Variants in NVL observed in about 807,000 individuals in gnomAD.
The protein encoded by NVL is nuclear VCP like.
Under a neutral mutation model 110.2 loss-of-function variants are expected in NVL, and 84 were observed. That is an observed-to-expected ratio of 0.76 (90% confidence interval 0.64 to 0.91). The LOEUF is 0.91. NVL is among the 40% of genes least tolerant of loss of function. NVL has a pLI of 0.00. For synonymous variants in NVL, 354 were observed against 361.1 expected (o/e 0.98, Z 0.22); for missense variants, 882 against 1,035.9 (o/e 0.85, Z 2.04).
intron 17 of NVL, among the ~76,000 whole-genome samples, chr1:224,269,488 C>T (rs1348361610): frequency 2.0e-5 from 3 of 152,154 alleles, no homozygotes; most frequent in African/African-American, 7.2e-5. Context: ...GTATCTGGGA[C>T]ACTGAGGTAT....
chr1:224,232,710 T>C (rs1660038580), intron 21 of NVL, among the ~76,000 whole-genome samples: 1 of 152,134 alleles, frequency 6.6e-6, no homozygotes, highest in Middle Eastern at 3.2e-3. Context: ...AAAGACACTG[T>C]CAAATGTGAA....
Position 224,308,140 on chromosome 1 carries a change from T to G in NVL, c.466A>C (p.Lys156Gln), listed in dbSNP as rs757085359. ...GTCTTCAAGGGAATGGAGCCTGTTT[T>G]GGAACTTATCCGTGGTGTTGAAGAG... ...TTSSTPRISSKTGSIPLKTPA... is the reference protein window; with the variant it reads ...TTSSTPRISSQTGSIPLKTPA... Residue 156 changes from lysine (K) to glutamine (Q), a missense_variant, in exon 6 of 23, where the codon AAA becomes CAA. By Grantham distance (53) the Lys-to-Gln change is moderately conservative. Transcript: ENST00000281701. 1.2e-6 allele frequency: 2 copies of G among 1,614,044 alleles called. No individual in the cohort carries two copies. The highest frequency in any genetic ancestry group is 2.7e-5 in the African/African-American group (2 of 74,930).
chr1:224,310,195 A>AC (rs1389943890), intron 5 of NVL, among the ~76,000 whole-genome samples: 1 of 149,980 alleles, frequency 6.7e-6, no homozygotes, highest in East Asian at 1.9e-4. Context: ...AAAAAAAAAA[A>AC]AAGAAAGAAA....
At chr1:224,293,495 G>A (rs1667577442) in intron 12 of NVL, among the ~76,000 whole-genome samples, 1 of 152,176 alleles carries the variant, frequency 6.6e-6, no homozygotes, top group Non-Finnish European at 1.5e-5. Context: ...TTACTCATTT[G>A]CTCAATTACC....
intron 19 of NVL, among the ~76,000 whole-genome samples, chr1:224,242,620 A>G (rs755599579): frequency 1.2e-4 from 17 of 145,458 alleles, no homozygotes; most frequent in Non-Finnish European, 1.8e-4. Flanking sequence ...GGTGCACGCC[A>G]CCATGCCTGG....
intron 19 of NVL, among the ~76,000 whole-genome samples, chr1:224,244,681 AG>A (rs1193253550): frequency 7.3e-6 from 1 of 136,084 alleles, no homozygotes; most frequent in African/African-American, 2.8e-5. Context: ...CATGTTGGTC[AG>A]GCTGGTCTCC....
chr1:224,242,826 G>GT (rs35271187), intron 19 of NVL, among the ~76,000 whole-genome samples: 18,362 of 124,558 alleles, frequency 0.15, 1,632 homozygotes, highest in Middle Eastern at 0.24. Context: ...ATTAATGCTT[G>GT]TTTTTTTTTT....
In NVL at chr1:224,281,114, A is replaced by G. The variant is rs7531588; in HGVS notation, c.1962+9T>C. The G allele has an allele frequency of 0.014, 23,156 of 1,611,690 alleles. 2,061 individuals are homozygous for G. In the African/African-American group the frequency reaches 0.22, roughly 16 times the overall value. ...AATCTAAAATAATGGTTCTTGCTCAATAACTTACCATGTTTAGTAATTCGG... is the reference window on the plus strand; with the variant it reads ...AATCTAAAATAATGGTTCTTGCTCAGTAACTTACCATGTTTAGTAATTCGG... On this transcript the variant is annotated intron_variant, in intron 16 of 22. Coordinates refer to ENST00000281701, the MANE Select transcript of NVL (RefSeq NM_002533.4).
At chr1:224,328,133 A>T (rs954637178) in intron 1 of NVL, among the ~76,000 whole-genome samples, 8 of 152,106 alleles carry the variant, frequency 5.3e-5, no homozygotes, top group African/African-American at 1.9e-4. Flanking sequence ...CGGGTTTGTT[A>T]CATAGGTATA....
At chr1:224,306,109 C>T (rs1668887791) in intron 6 of NVL, among the ~76,000 whole-genome samples, 1 of 152,114 alleles carries the variant, frequency 6.6e-6, no homozygotes, top group Non-Finnish European at 1.5e-5. Context: ...AAGTGTAATT[C>T]AGCCAAGCAC....
At chr1:224,303,295 C>T (rs981711933) in intron 9 of NVL, among the ~76,000 whole-genome samples, 4 of 151,868 alleles carry the variant, frequency 2.6e-5, no homozygotes, top group East Asian at 1.9e-4. Context: ...ATCAGCCGGG[C>T]GTGGTGGCGT....
intron 22 of NVL, among the ~76,000 whole-genome samples, chr1:224,228,369 A>G (rs553319407): frequency 2.1e-3 from 324 of 152,096 alleles, no homozygotes; most frequent in African/African-American, 7.5e-3. Flanking sequence ...CAGCGGTGCA[A>G]TCTCGGCTCA....
chr1:224,278,833 C>T (rs538217170), intron 16 of NVL, among the ~76,000 whole-genome samples: 1 of 152,036 alleles, frequency 6.6e-6, no homozygotes, highest in South Asian at 2.1e-4. Context: ...CTCAGGCTCA[C>T]GTGATCCTCC....
intron 18 of NVL, among the ~76,000 whole-genome samples, chr1:224,252,571 T>A (rs1044207279): frequency 2.6e-5 from 4 of 152,236 alleles, no homozygotes; most frequent in Non-Finnish European, 5.9e-5. Flanking sequence ...ACCTGTTAGA[T>A]GTTGTTCTTT....
chr1:224,302,977 A>G, intron 9 of NVL: 1 of 279,804 alleles, frequency 3.6e-6, no homozygotes, highest in Non-Finnish European at 7.2e-6. Flanking sequence ...TGAGCCTGGG[A>G]AGTTGAGGCT....
chr1:224,242,487 C>CTTTT (rs11385074), intron 19 of NVL, among the ~76,000 whole-genome samples: 11 of 128,318 alleles, frequency 8.6e-5, no homozygotes, highest in South Asian at 2.3e-4. Flanking sequence ...CAAATCTATT[C>CTTTT]TTTTTTTTTT....
intron 19 of NVL, among the ~76,000 whole-genome samples, chr1:224,248,830 C>T (rs531359896): frequency 3.7e-4 from 57 of 152,336 alleles, no homozygotes; most frequent in African/African-American, 1.4e-3. Context: ...TAGACACACA[C>T]AATCAAGGGA....
At chr1:224,296,431 T>C (rs1667890806) in intron 11 of NVL, 70 bp downstream of exon 11, 1 of 779,916 alleles carries the variant, frequency 1.3e-6, no homozygotes. Context: ...TTATTTTTTA[T>C]CTTCATGTAT....
At chr1:224,253,109 G>A (rs1387100387) in intron 18 of NVL, among the ~76,000 whole-genome samples, 1 of 151,674 alleles carries the variant, frequency 6.6e-6, no homozygotes, top group African/African-American at 2.4e-5. Context: ...GCAGTGGGGC[G>A]ATCTCGGCTC....
Sources: gnomAD v4.1 joint callset for allele counts (sites outside exome capture counted in the v4.1 genomes callset) on GRCh38, gnomAD v4.1.1 for gene constraint, MANE v1.5 for transcripts, NCBI Gene and HGNC (gene_info 2026-07-23, HGNC 2026-07-21) for gene names.